Variants in ZNF746 observed in about 807,000 individuals in gnomAD.
The protein encoded by ZNF746 is zinc finger protein 746.
ZNF746 carries 13 observed loss-of-function variants against 41.0 expected under a neutral mutation model. The ratio of observed to expected loss-of-function variants is 0.32; its 90% confidence interval spans 0.21 to 0.50. The LOEUF is 0.50. ZNF746 is among the 20% of genes least tolerant of loss of function. The pLI is 0.98. For missense variants in ZNF746, 811 were observed against 922.9 expected, an observed-to-expected ratio of 0.88 and a Z score of 1.57; for synonymous variants, 424 against 396.2, an observed-to-expected ratio of 1.07 and a Z score of -0.83.
intron 4 of ZNF746, among the ~76,000 whole-genome samples, chr7:149,487,134 G>C (rs964318288): frequency 2.0e-5 from 3 of 152,132 alleles, no homozygotes; most frequent in Non-Finnish European, 4.4e-5. Context: ...CGAGGGGTCT[G>C]GGTCACACTC....
chr7:149,482,431 A>C (rs1038244186), intron 4 of ZNF746, among the ~76,000 whole-genome samples: 3 of 152,130 alleles, frequency 2.0e-5, no homozygotes, highest in Non-Finnish European at 1.5e-5. Context: ...TTACTGCATA[A>C]TAGTAAACTA....
chr7:149,478,542 G>C (rs1800388017), intron 4 of ZNF746, among the ~76,000 whole-genome samples: 1 of 152,220 alleles, frequency 6.6e-6, no homozygotes, highest in Non-Finnish European at 1.5e-5. Context: ...CAACTCAGGA[G>C]GCCCCAGCAT....
At chr7:149,486,801 T>G (rs147073371) in intron 4 of ZNF746, among the ~76,000 whole-genome samples, 14 of 151,916 alleles carry the variant, frequency 9.2e-5, no homozygotes, top group African/African-American at 3.1e-4. Flanking sequence ...GTCCAAGAGG[T>G]TCAAGCTGTG....
chr7:149,485,151 T>TAA (rs57584874), intron 4 of ZNF746, among the ~76,000 whole-genome samples: 45,798 of 135,408 alleles, frequency 0.34, 7,841 homozygotes, highest in East Asian at 0.49. Flanking sequence ...AAAAGTGATT[T>TAA]AAAAAAAAAA....
chr7:149,478,662 G>A (rs546759910), intron 4 of ZNF746, among the ~76,000 whole-genome samples: 51 of 152,222 alleles, frequency 3.4e-4, no homozygotes, highest in African/African-American at 1.2e-3. Context: ...AAACAGAAGA[G>A]GTGCCAAATG....
intron 1 of ZNF746, chr7:149,496,984 T>C: frequency 8.1e-6 from 8 of 985,284 alleles, no homozygotes; most frequent in Non-Finnish European, 9.6e-6. Context: ...TCCCACAGGC[T>C]TGCTGTGAGG....
intron 4 of ZNF746, among the ~76,000 whole-genome samples, chr7:149,486,289 C>T (rs1416407088): frequency 1.3e-5 from 2 of 151,904 alleles, no homozygotes; most frequent in Admixed American, 6.6e-5. Flanking sequence ...AGTTGGTATC[C>T]CCACTTGACA....
In ZNF746 at chr7:149,494,934, G is replaced by A. The variant is rs538112922; in HGVS notation, c.25-431C>T. ...TGGTAAACTGCAGATTTACTAGAGC[G>A]CAGCCTGCACCTCCCCTCATGATTA... On this transcript the variant is annotated intron_variant, in intron 1 of 6. Transcript: ENST00000458143. The surrounding 1 kb of genome is among the most constrained non-coding windows in gnomAD (Gnocchi z 5.6). Among the ~76,000 whole-genome samples the A allele has an allele frequency of 6.6e-6, 1 of 151,868 alleles. No individual in the cohort carries two copies. The highest frequency in any genetic ancestry group is 6.6e-5 in the Admixed American group (1 of 15,258).
intron 4 of ZNF746, chr7:149,491,767 G>A (rs2116487274): frequency 1.5e-6 from 1 of 652,320 alleles, no homozygotes; most frequent in East Asian, 2.7e-5. Context: ...ACCAAGGCAG[G>A]TGGGACGGTC....
At chr7:149,487,298 A>C (rs1453044075) in intron 4 of ZNF746, among the ~76,000 whole-genome samples, 1 of 152,240 alleles carries the variant, frequency 6.6e-6, no homozygotes, top group African/African-American at 2.4e-5. Context: ...TAAAAAGGAG[A>C]AAAACAGCAT....
intron 4 of ZNF746, chr7:149,490,292 G>A (rs1422473374): frequency 6.6e-6 from 1 of 152,298 alleles, no homozygotes; most frequent in Non-Finnish European, 1.5e-5. Flanking sequence ...TGGCCCCTGG[G>A]CTAAGGAGAC....
chr7:149,480,423 T>TTTTG (rs59225315), intron 4 of ZNF746, among the ~76,000 whole-genome samples: 32,173 of 151,288 alleles, frequency 0.21, 3,706 homozygotes, highest in Middle Eastern at 0.34. Flanking sequence ...ATAACTGTTG[T>TTTTG]TTTGTTTGTT....
At chr7:149,479,540 GAC>G (rs778660092) in intron 4 of ZNF746, among the ~76,000 whole-genome samples, 1 of 152,134 alleles carries the variant, frequency 6.6e-6, no homozygotes, top group Non-Finnish European at 1.5e-5. Flanking sequence ...AAAAGAAAAA[GAC>G]ATATTATGAA....
chr7:149,480,797 G>C (rs1023920720), intron 4 of ZNF746, among the ~76,000 whole-genome samples: 1 of 152,174 alleles, frequency 6.6e-6, no homozygotes, highest in Non-Finnish European at 1.5e-5. Context: ...TGATTGAATG[G>C]TGAATAGTGA....
intron 4 of ZNF746, among the ~76,000 whole-genome samples, chr7:149,492,527 T>A (rs1800837388): frequency 6.6e-6 from 1 of 152,198 alleles, no homozygotes; most frequent in African/African-American, 2.4e-5. Context: ...GACTGGGGGC[T>A]GGTGCCCCTG....
rs1801028816 is a variant in ZNF746 at position 149,497,141 on chromosome 7, G to C, written c.24+372C>G. On this transcript the variant is annotated intron_variant, in intron 1 of 6. Transcript: ENST00000458143. This position sits in a 1 kb window ranked among gnomAD's most constrained non-coding sequence, Gnocchi z 4.2. ...CCCAGGTGCCACCAGGCCGCTGCGG[G>C]GGAGATGGAGAGGGACCTACAGGCC... 1 of 985,350 alleles carries C rather than the reference G, an allele frequency of 1.0e-6. No homozygotes were observed. Among genetic ancestry groups the C allele is most frequent in the African/African-American group, 1.7e-5 (1 of 57,338 alleles). The allele number at this position is 985,350 out of a possible 1,614,324, so 61.0% of individuals were successfully genotyped here. A position where few individuals can be genotyped will look rare whatever the true frequency, so the allele number is the denominator to read the frequency against.
At chr7:149,487,179 C>T (rs922805903) in intron 4 of ZNF746, among the ~76,000 whole-genome samples, 3 of 152,198 alleles carry the variant, frequency 2.0e-5, no homozygotes, top group Non-Finnish European at 4.4e-5. Context: ...CATCCCCAAA[C>T]CATGCTCCCG....
Position 149,475,253 on chromosome 7 carries a change from C to T in ZNF746, c.1114G>A (p.Gly372Ser), listed in dbSNP as rs1800257482. 1 of 1,613,118 alleles carries T rather than the reference C, an allele frequency of 6.2e-7. No individual in the cohort carries two copies. Among genetic ancestry groups the T allele is most frequent in the Non-Finnish European group, 8.5e-7 (1 of 1,179,616 alleles). ...REPARPERDM[G>S]ELSPAVAQEE... ...TGGGCCACAGCAGGACTGAGCTCAC[C>T]CATGTCCCTCTCAGGCCGGGCGGGC... The change falls in exon 7 of 7, where the codon GGT becomes AGT. Residue 372 changes from glycine to serine, a missense_variant. This residue lies in a region of ZNF746 where 495 missense variants were observed against 481.6 expected (regional missense o/e 1.03). Coordinates refer to ENST00000458143, the MANE Select transcript of ZNF746 (RefSeq NM_001394198.1).
chr7:149,478,187 G>C (rs554347034), intron 4 of ZNF746, among the ~76,000 whole-genome samples: 1 of 152,082 alleles, frequency 6.6e-6, no homozygotes, highest in Non-Finnish European at 1.5e-5. Context: ...AGAACACACA[G>C]AGTCAATCAC....
Sources: gnomAD v4.1 joint callset for allele counts (sites outside exome capture counted in the v4.1 genomes callset) on GRCh38, gnomAD v4.1.1 for gene constraint, gnomAD v4.1.1 regional missense constraint, Gnocchi (gnomAD v3.1) non-coding constraint, MANE v1.5 for transcripts, NCBI Gene and HGNC (gene_info 2026-07-23, HGNC 2026-07-21) for gene names.